The following JAK2 variants were observed in gnomAD, a reference collection of about 807,000 sequenced individuals.
JAK2 encodes the protein Janus kinase 2.
A neutral mutation model predicts 139.3 loss-of-function variants in JAK2; 86 were observed. The ratio of observed to expected loss-of-function variants is 0.62; its 90% CI spans 0.52 to 0.74. The LOEUF (loss-of-function observed/expected upper bound fraction) is 0.74. Ranked by LOEUF, JAK2 falls within the 30% of genes least tolerant of loss-of-function variation. The pLI is 0.00. For missense variants in JAK2, 1,421 were observed against 1,360.3 expected, an observed-to-expected ratio of 1.04 and a Z score of -0.70; for synonymous variants, 490 against 437.7, an observed-to-expected ratio of 1.12 and a Z score of -1.49.
chr9:5,095,377 C>A (rs975283472), intron 22 of JAK2, among the ~76,000 whole-genome samples: 8 of 151,990 alleles, frequency 5.3e-5, no homozygotes, highest in African/African-American at 1.9e-4. Context: ...AACAAATCTC[C>A]ACTCTACAGA....
chr9:4,987,746 A>G (rs1587788586), intron 2 of JAK2, among the ~76,000 whole-genome samples: 2 of 151,830 alleles, frequency 1.3e-5, no homozygotes, highest in South Asian at 2.1e-4. Context: ...AAAAAAAAAA[A>G]AAAAAGAAAG....
chr9:5,023,730 CAA>C (rs777910225), intron 3 of JAK2, among the ~76,000 whole-genome samples: 8 of 152,158 alleles, frequency 5.3e-5, no homozygotes, highest in Non-Finnish European at 8.8e-5. Flanking sequence ...ATAATCTACT[CAA>C]AGTGTGATTA....
intron 5 of JAK2, among the ~76,000 whole-genome samples, chr9:5,050,245 A>T (rs1817319013): frequency 6.6e-6 from 1 of 152,216 alleles, no homozygotes; most frequent in African/African-American, 2.4e-5. Flanking sequence ...TTTTATTAAA[A>T]TTGTATCGCA....
chr9:5,038,828 C>A (rs1483261148), intron 4 of JAK2, among the ~76,000 whole-genome samples: 2 of 151,960 alleles, frequency 1.3e-5, no homozygotes, highest in Non-Finnish European at 2.9e-5. Flanking sequence ...GGATTTATCC[C>A]AGGAAATACA....
At chr9:5,125,561 A>T (rs1047866925) in intron 23 of JAK2, among the ~76,000 whole-genome samples, 2 of 151,510 alleles carry the variant, frequency 1.3e-5, no homozygotes, top group East Asian at 1.9e-4. Flanking sequence ...CTATTTTAAA[A>T]TTTTTTTAAT....
intron 11 of JAK2, 64 bp from the exon 12 acceptor site, chr9:5,069,861 T>C: frequency 1.8e-6 from 2 of 1,105,860 alleles, no homozygotes; most frequent in East Asian, 2.7e-5. Context: ...ATTTTACTCC[T>C]CTTTGGAGCA....
intron 22 of JAK2, among the ~76,000 whole-genome samples, chr9:5,107,602 C>T (rs748213367): frequency 3.9e-5 from 6 of 152,054 alleles, no homozygotes; most frequent in Non-Finnish European, 7.4e-5. Context: ...GAAATGATTT[C>T]GATTCATTAG....
intron 3 of JAK2, among the ~76,000 whole-genome samples, chr9:5,023,201 C>T (rs752714277): frequency 1.6e-4 from 24 of 152,226 alleles, no homozygotes; most frequent in Non-Finnish European, 2.9e-4. Context: ...TACCAATCCA[C>T]TCTACCTTCA....
chr9:5,012,536 ACTT>A (rs1166986783), intron 2 of JAK2, among the ~76,000 whole-genome samples: 4 of 152,156 alleles, frequency 2.6e-5, no homozygotes, highest in Admixed American at 2.6e-4. Flanking sequence ...ATTTTTCTGA[ACTT>A]CTCATTAAGG....
intron 14 of JAK2, among the ~76,000 whole-genome samples, chr9:5,075,235 A>T (rs1586744394): frequency 6.6e-6 from 1 of 152,238 alleles, no homozygotes; most frequent in East Asian, 1.9e-4. Flanking sequence ...AAGCTACAGC[A>T]AGTTATCCAG....
At chr9:5,046,834 C>T (rs924368422) in intron 5 of JAK2, among the ~76,000 whole-genome samples, 1 of 152,130 alleles carries the variant, frequency 6.6e-6, no homozygotes, top group Admixed American at 6.5e-5. Context: ...GTTGCTTTTA[C>T]GGGTATATTA....
chr9:5,126,664 GT>G lies in JAK2; in HGVS notation c.3292-17del. ...GGCCCTTAGTGTTCATTTAATTTTG[GT>G]TTATTTTCTCCTTTACAGATCTATA... On this transcript the variant is annotated intron_variant, in intron 24 of 24. Transcript: ENST00000381652. 2 of 1,551,504 alleles carry G rather than the reference GT, an allele frequency of 1.3e-6. No individual in the cohort carries two copies. The highest frequency in any genetic ancestry group is 1.8e-6 in the Non-Finnish European group (2 of 1,134,756).
At chr9:5,011,866 C>A (rs1391381870) in intron 2 of JAK2, among the ~76,000 whole-genome samples, 4 of 152,168 alleles carry the variant, frequency 2.6e-5, no homozygotes, top group Non-Finnish European at 5.9e-5. Context: ...GCCATTACTT[C>A]TGGTAAGTGG....
chr9:5,016,780 A>C (rs1822093765), intron 2 of JAK2, among the ~76,000 whole-genome samples: 1 of 152,136 alleles, frequency 6.6e-6, no homozygotes, highest in Non-Finnish European at 1.5e-5. Context: ...CAAGCTAACC[A>C]TTATCCTAAC....
chr9:5,098,593 A>G (rs986614347), intron 22 of JAK2: 16 of 152,222 alleles, frequency 1.1e-4, no homozygotes, highest in Non-Finnish European at 2.1e-4. Context: ...TATTCTGTAT[A>G]AAACAGATGA....
At chr9:5,039,231 G>C (rs921405187) in intron 4 of JAK2, among the ~76,000 whole-genome samples, 2 of 152,182 alleles carry the variant, frequency 1.3e-5, no homozygotes, top group Admixed American at 1.3e-4. Context: ...TCATCCCGCT[G>C]TATCCATGGG....
At chr9:5,126,185 G>T in intron 23 of JAK2, 148 bp from the exon 24 acceptor site, 3 of 555,986 alleles carry the variant, frequency 5.4e-6, no homozygotes, top group Non-Finnish European at 6.3e-6. Context: ...TTATGTTTTT[G>T]ATCCTAAAAG....
chr9:5,024,091 C>T (rs1041991847), intron 3 of JAK2, among the ~76,000 whole-genome samples: 5 of 151,944 alleles, frequency 3.3e-5, no homozygotes, highest in African/African-American at 1.2e-4. Context: ...CTCATCTCTG[C>T]TAAAAATACA....
At chr9:5,002,137 T>G (rs1049144781) in intron 2 of JAK2, among the ~76,000 whole-genome samples, 78 of 151,976 alleles carry the variant, frequency 5.1e-4, no homozygotes, top group African/African-American at 1.8e-3. Context: ...AAGTTTTGGT[T>G]TGATTGATTT....
Sources: allele counts gnomAD v4.1 joint callset (sites outside exome capture counted in the v4.1 genomes callset), GRCh38; gene constraint gnomAD v4.1.1; transcripts MANE v1.5; gene names NCBI Gene and HGNC (gene_info 2026-07-23, HGNC 2026-07-21).